The following NIBAN1 variants were observed in gnomAD, a reference collection of about 807,000 sequenced individuals.
NIBAN1 encodes the protein protein Niban 1.
NIBAN1 carries 81 observed loss-of-function variants against 75.1 expected under a neutral mutation model. That is an observed-to-expected ratio of 1.08 (90% CI 0.90 to 1.30). The LOEUF (loss-of-function observed/expected upper bound fraction) is 1.30, where lower values mean the gene tolerates loss of function less well. NIBAN1 is among the 50% of genes most tolerant of loss of function. The pLI, the probability that NIBAN1 is intolerant of heterozygous loss-of-function variation, is 0.00. For synonymous variants in NIBAN1, 436 were observed against 424.8 expected (o/e 1.03, Z -0.32); for missense variants, 1,133 against 1,128.1 (o/e 1.00, Z -0.06).
At chr1:184,884,215 CTTTTTTTTTTTTTT>C (rs11334000) in intron 5 of NIBAN1, among the ~76,000 whole-genome samples, 1 of 66,800 alleles carries the variant, frequency 1.5e-5, no homozygotes, top group Non-Finnish European at 2.6e-5. Flanking sequence ...ATCTGTGGCT[CTTTTTTTTTTTTTT>C]TTTTTTTTTT....
chr1:184,900,860 A>G (rs1299687465), intron 1 of NIBAN1, among the ~76,000 whole-genome samples: 2 of 152,260 alleles, frequency 1.3e-5, no homozygotes, highest in African/African-American at 4.8e-5. Context: ...TTGCTGTAAT[A>G]TTCCAAAATA....
chr1:184,966,496 C>T (rs997452316), intron 1 of NIBAN1, among the ~76,000 whole-genome samples: 1 of 152,174 alleles, frequency 6.6e-6, no homozygotes, highest in Non-Finnish European at 1.5e-5. Flanking sequence ...CCCAGTTCAG[C>T]AGAATTGTGA....
At chr1:184,935,814 T>C (rs4651239) in intron 1 of NIBAN1, among the ~76,000 whole-genome samples, 58,238 of 148,602 alleles carry the variant, frequency 0.39, 13,082 homozygotes, top group South Asian at 0.51. Flanking sequence ...AAGTTTTGAC[T>C]TAAAATCCAG....
chr1:184,950,188 T>C (rs747899492), intron 1 of NIBAN1, among the ~76,000 whole-genome samples: 3 of 152,116 alleles, frequency 2.0e-5, no homozygotes, highest in African/African-American at 4.8e-5. Flanking sequence ...TTAATTTAGA[T>C]GCAGATAATC....
chr1:184,844,188 G>A (rs747263766), intron 5 of NIBAN1, among the ~76,000 whole-genome samples: 1 of 152,180 alleles, frequency 6.6e-6, no homozygotes, highest in Non-Finnish European at 1.5e-5. Context: ...TGGATTACCT[G>A]CATCTTGTGA....
At chr1:184,815,240 C>T (rs1011872207) in intron 9 of NIBAN1, among the ~76,000 whole-genome samples, 1 of 152,114 alleles carries the variant, frequency 6.6e-6, no homozygotes, top group African/African-American at 2.4e-5. Flanking sequence ...TGTATTTTCC[C>T]CAGGTAAAGA....
chr1:184,870,654 G>A (rs1331735707), intron 5 of NIBAN1, among the ~76,000 whole-genome samples: 1 of 152,200 alleles, frequency 6.6e-6, no homozygotes, highest in Non-Finnish European at 1.5e-5. Flanking sequence ...ATGAATGGTT[G>A]CTCCAAAGAT....
intron 12 of NIBAN1, among the ~76,000 whole-genome samples, chr1:184,802,095 T>C (rs1654061532): frequency 6.6e-6 from 1 of 152,206 alleles, no homozygotes; most frequent in Admixed American, 6.5e-5. Context: ...AAATGCACTT[T>C]AGCAAAATAA....
intron 9 of NIBAN1, among the ~76,000 whole-genome samples, chr1:184,810,156 G>A (rs1654333933): frequency 1.3e-5 from 2 of 152,152 alleles, no homozygotes; most frequent in Admixed American, 1.3e-4. Context: ...TATGCATAAA[G>A]AATAAAGGAA....
intron 1 of NIBAN1, among the ~76,000 whole-genome samples, chr1:184,942,521 G>A (rs1033217065): frequency 1.3e-5 from 2 of 151,986 alleles, no homozygotes; most frequent in Admixed American, 6.6e-5. Context: ...GTGAAACCCC[G>A]TCTCTACTAA....
chr1:184,828,903 CCTA>C (rs1450726865), intron 6 of NIBAN1, among the ~76,000 whole-genome samples: 1 of 151,858 alleles, frequency 6.6e-6, no homozygotes, highest in African/African-American at 2.4e-5. Flanking sequence ...CTCAAATGAT[CCTA>C]CTGTCTTGGT....
chr1:184,796,534 G>A (rs539062951), intron 13 of NIBAN1, among the ~76,000 whole-genome samples: 1 of 152,314 alleles, frequency 6.6e-6, no homozygotes, highest in Admixed American at 6.5e-5. Flanking sequence ...TTGCAGTACA[G>A]TCCTGAATGT....
chr1:184,944,148 A>C (rs1231389629), intron 1 of NIBAN1, among the ~76,000 whole-genome samples: 1 of 152,174 alleles, frequency 6.6e-6, no homozygotes, highest in Non-Finnish European at 1.5e-5. Context: ...CTGCCCTGGG[A>C]GGTAGAGGAT....
At position 184,792,428 on chromosome 1, in the gene NIBAN1, G is replaced by C. The variant is rs1039500669; in HGVS notation, c.*2549C>G. 3.9e-5 allele frequency: 6 copies of C among 152,710 alleles called. No individual in the cohort carries two copies. The highest frequency in any genetic ancestry group is 7.3e-5 in the Non-Finnish European group (5 of 68,114). 9.5% of individuals were successfully genotyped at this position (152,710 alleles called of 1,614,324 possible). A position where few individuals can be genotyped will look rare whatever the true frequency, so the allele number is the denominator to read the frequency against. On this transcript the variant is annotated 3_prime_UTR_variant, in exon 14 of 14. Transcript: ENST00000367511. Reference sequence around the variant, plus strand: ...TTGAAAAAAATCTCTTAGCTTTCCAGGGGGTGCAAGAAGCCCTGCATTGAG... The same window carrying C: ...TTGAAAAAAATCTCTTAGCTTTCCACGGGGTGCAAGAAGCCCTGCATTGAG...
Position 184,968,120 on chromosome 1 carries a change from G to A in NIBAN1, c.55+6182C>T, listed in dbSNP as rs1427598044. Among the ~76,000 whole-genome samples, 2 of 34,544 alleles carry A rather than the reference G, an allele frequency of 5.8e-5. 1 individual carries two copies. The highest frequency in any genetic ancestry group is 2.0e-4 in the African/African-American group (2 of 9,888). The allele number at this position is 34,544 out of a possible 152,430, so 22.7% of individuals were successfully genotyped here. ...GGGGAGGCTGAGGCAGGAGAATGGC[G>A]TGAACCCGGGAAGCGGAGCTTGCAG... On this transcript the variant is annotated intron_variant, in intron 1 of 13. Transcript: ENST00000367511.
chr1:184,917,962 C>T (rs969874579), intron 1 of NIBAN1, among the ~76,000 whole-genome samples: 3 of 152,172 alleles, frequency 2.0e-5, no homozygotes, highest in Admixed American at 6.6e-5. Flanking sequence ...CCCTTAAAAA[C>T]GCAACCCCAC....
chr1:184,906,571 G>T (rs887188437), intron 1 of NIBAN1, among the ~76,000 whole-genome samples: 2 of 151,916 alleles, frequency 1.3e-5, no homozygotes, highest in Non-Finnish European at 2.9e-5. Context: ...CGGAGGTTGC[G>T]GTGAGCTGAG....
intron 7 of NIBAN1, 109 bp downstream of exon 7, chr1:184,823,529 T>C: frequency 7.6e-7 from 1 of 1,323,930 alleles, no homozygotes; most frequent in Non-Finnish European, 1.1e-6. Flanking sequence ...TAGGCATTTC[T>C]ACACCCAGGG....
At position 184,794,629 on chromosome 1, in the gene NIBAN1, C is replaced by T. The variant is rs1653786065; in HGVS notation, c.*348G>A. The T allele has an allele frequency of 8.0e-6, 3 of 373,012 alleles. No individual in the cohort carries two copies. The highest frequency in any genetic ancestry group is 1.5e-5 in the Non-Finnish European group (3 of 198,766). The allele number at this position is 373,012 out of a possible 1,614,324, so 23.1% of individuals were successfully genotyped here. A position where few individuals can be genotyped will look rare whatever the true frequency, so the allele number is the denominator to read the frequency against. ...CCTTAAAGTGCACAAGAAGATTGCA[C>T]AATTGAAAAGTGCAGAGTATACTCA... On this transcript the variant is annotated 3_prime_UTR_variant, in exon 14 of 14. Coordinates refer to ENST00000367511, the MANE Select transcript of NIBAN1 (RefSeq NM_052966.4).
Sources: gnomAD v4.1 joint callset for allele counts (sites outside exome capture counted in the v4.1 genomes callset) on GRCh38, gnomAD v4.1.1 for gene constraint, MANE v1.5 for transcripts, NCBI Gene and HGNC (gene_info 2026-07-23, HGNC 2026-07-21) for gene names.